ASTN2: variants seen among roughly 807,000 people sequenced by gnomAD.
ASTN2 encodes astrotactin 2.
ASTN2 carries 54 observed loss-of-function variants against 139.8 expected under a neutral mutation model. The observed-to-expected ratio is 0.39, with a 90% CI of 0.31 to 0.48. The LOEUF is 0.48. Among genes scored for constraint, ASTN2 ranks in the 20% least tolerant of loss-of-function variants. ASTN2 has a pLI of 0.95. For missense variants in ASTN2, 1,565 were observed against 1,725.1 expected, an observed-to-expected ratio of 0.91 and a Z score of 1.64; for synonymous variants, 756 against 719.5, an observed-to-expected ratio of 1.05 and a Z score of -0.81.
chr9:116,737,136 C>T (rs926168433), intron 13 of ASTN2, among the ~76,000 whole-genome samples: 2 of 152,214 alleles, frequency 1.3e-5, no homozygotes, highest in Admixed American at 1.3e-4. Flanking sequence ...GGAGATGAAG[C>T]CCGAATGAAC....
rs542220355 is a variant in ASTN2 at position 116,620,326 on chromosome 9, G to T, written c.3190C>A (p.Pro1064Thr). 1.2e-6 allele frequency: 2 copies of T among 1,614,066 alleles called. No homozygotes were observed. Among genetic ancestry groups the T allele is most frequent in the South Asian group, 2.2e-5 (2 of 91,066 alleles). The part of the protein sequence containing the change: ...FDANGLPNCS[P>T]LLQPVLRLSP... ...CATACGTACACCGGCTGCAGAAGGG[G>T]GCTGCAGTTGGGGAGCCCATTGGCA... Residue 1064 changes from proline to threonine, a missense_variant, in exon 18 of 23, where the codon CCC becomes ACC. By Grantham distance (38) the Pro-to-Thr change is conservative. Coordinates refer to ENST00000313400, the MANE Select transcript of ASTN2 (RefSeq NM_001365068.1).
At chr9:116,889,673 C>T (rs192235396) in intron 10 of ASTN2, among the ~76,000 whole-genome samples, 1 of 148,800 alleles carries the variant, frequency 6.7e-6, no homozygotes, top group Non-Finnish European at 1.5e-5. Context: ...ATCACTTGAG[C>T]CAAGGAGTTT....
intron 16 of ASTN2, among the ~76,000 whole-genome samples, chr9:116,659,629 G>A (rs1858434593): frequency 6.6e-6 from 1 of 152,098 alleles, no homozygotes; most frequent in African/African-American, 2.4e-5. Flanking sequence ...CCTACAGGAT[G>A]AGTCATATCC....
intron 19 of ASTN2, among the ~76,000 whole-genome samples, chr9:116,575,180 G>A (rs1446197516): frequency 6.6e-6 from 1 of 151,662 alleles, no homozygotes; most frequent in Non-Finnish European, 1.5e-5. Context: ...CCCAGATACT[G>A]CAGTATCACT....
chr9:116,860,772 G>C (rs550038080), intron 11 of ASTN2, among the ~76,000 whole-genome samples: 2 of 152,190 alleles, frequency 1.3e-5, no homozygotes, highest in African/African-American at 4.8e-5. Context: ...ATTCCTGAGG[G>C]AATCTACTGC....
intron 19 of ASTN2, among the ~76,000 whole-genome samples, chr9:116,573,852 C>T (rs1352216923): frequency 6.6e-6 from 1 of 152,142 alleles, no homozygotes; most frequent in African/African-American, 2.4e-5. Flanking sequence ...TTTGCCAACT[C>T]CTGTGAGTAT....
chr9:116,907,493 C>T (rs1490592617), intron 10 of ASTN2, among the ~76,000 whole-genome samples: 2 of 152,162 alleles, frequency 1.3e-5, no homozygotes, highest in Non-Finnish European at 2.9e-5. Flanking sequence ...TGTGCTGCAC[C>T]TTTGTCTGGA....
chr9:116,478,923 C>G (rs2119046559), intron 20 of ASTN2, among the ~76,000 whole-genome samples: 1 of 134,614 alleles, frequency 7.4e-6, no homozygotes, highest in Non-Finnish European at 1.5e-5. Flanking sequence ...ACCCGGGAGG[C>G]AGAGGTTGCA....
intron 1 of ASTN2, among the ~76,000 whole-genome samples, chr9:117,413,777 C>T: frequency 6.6e-6 from 1 of 152,160 alleles, no homozygotes; most frequent in Non-Finnish European, 1.5e-5. Context: ...CAAGGACAAA[C>T]CGGCTCTCTG....
In ASTN2 at chr9:116,451,290, A is replaced by T. The variant is rs78749940; in HGVS notation, c.3498-8737T>A. Reference sequence around the variant, plus strand: ...AAATAATTATAGTATTAACACTTAAAATTAAATACATATAAATTCATTTAC... The same window carrying T: ...AAATAATTATAGTATTAACACTTAATATTAAATACATATAAATTCATTTAC... On this transcript the variant is annotated intron_variant, in intron 20 of 22. Transcript: ENST00000313400. 0.013 allele frequency among the ~76,000 whole-genome samples: 1,977 copies of T among 152,338 alleles called. 182 individuals are homozygous for T. In the South Asian group the frequency reaches 0.21, roughly 16 times the overall value.
At chr9:116,680,643 G>A (rs369965017) in intron 16 of ASTN2, among the ~76,000 whole-genome samples, 22 of 152,186 alleles carry the variant, frequency 1.4e-4, no homozygotes, top group Middle Eastern at 3.4e-3. Context: ...CTGGCAAACC[G>A]AATCCAGCAG....
intron 1 of ASTN2, among the ~76,000 whole-genome samples, chr9:117,377,151 C>T (rs565767230): frequency 1.4e-4 from 21 of 152,224 alleles, no homozygotes; most frequent in African/African-American, 4.8e-4. Flanking sequence ...TTTTGAACTC[C>T]TCGGGATTTG....
At chr9:117,197,031 C>T (rs1277710515) in intron 3 of ASTN2, 1 of 152,162 alleles carries the variant, frequency 6.6e-6, no homozygotes, top group African/African-American at 2.4e-5. Flanking sequence ...CAGAAATATT[C>T]TCATGCTTTA....
chr9:116,487,269 C>A, intron 20 of ASTN2, 90 bp downstream of exon 20: 3 of 1,476,876 alleles, frequency 2.0e-6, no homozygotes, highest in Non-Finnish European at 1.8e-6. Context: ...AAACATTTGG[C>A]TGGCCTGCAC....
chr9:116,816,002 C>A (rs1415471182), intron 12 of ASTN2, among the ~76,000 whole-genome samples: 1 of 151,842 alleles, frequency 6.6e-6, no homozygotes, highest in Non-Finnish European at 1.5e-5. Flanking sequence ...TATTTTTTCT[C>A]TTTCTCTGTT....
chr9:117,237,086 C>T (rs1456948167), intron 2 of ASTN2, among the ~76,000 whole-genome samples: 1 of 152,134 alleles, frequency 6.6e-6, no homozygotes, highest in Non-Finnish European at 1.5e-5. Context: ...ATCTGCCAGC[C>T]CCTGCCCTAC....
intron 19 of ASTN2, among the ~76,000 whole-genome samples, chr9:116,569,192 G>C (rs1033003493): frequency 6.6e-6 from 1 of 152,146 alleles, no homozygotes; most frequent in Admixed American, 6.6e-5. Flanking sequence ...AGAATCAGAC[G>C]GGCCTCGTTT....
chr9:116,887,825 A>T (rs1226022001), intron 10 of ASTN2, among the ~76,000 whole-genome samples: 1 of 151,770 alleles, frequency 6.6e-6, no homozygotes, highest in Non-Finnish European at 1.5e-5. Flanking sequence ...GTACCACCAC[A>T]TCCAGCTAAG....
chr9:117,065,675 A>G (rs1827916969), intron 5 of ASTN2, among the ~76,000 whole-genome samples: 1 of 152,208 alleles, frequency 6.6e-6, no homozygotes, highest in African/African-American at 2.4e-5. Context: ...AAACATGAGT[A>G]TAAACAAGTG....
Sources: gnomAD v4.1 joint callset for allele counts (sites outside exome capture counted in the v4.1 genomes callset) on GRCh38, gnomAD v4.1.1 for gene constraint, MANE v1.5 for transcripts, NCBI Gene and HGNC (gene_info 2026-07-23, HGNC 2026-07-21) for gene names.